Variants in NKAIN3 observed in about 807,000 individuals in gnomAD.
The protein encoded by NKAIN3 is sodium/potassium-transporting ATPase subunit beta-1-interacting protein 3.
NKAIN3 carries 25 observed loss-of-function variants against 30.2 expected under a neutral mutation model. The observed-to-expected ratio is 0.83, with a 90% CI of 0.60 to 1.16. The LOEUF (loss-of-function observed/expected upper bound fraction) is 1.16, where lower values mean the gene tolerates loss of function less well. Ranked by LOEUF, NKAIN3 falls within the 50% of genes most tolerant of loss-of-function variation. NKAIN3 has a pLI of 0.00. For synonymous variants in NKAIN3, 91 were observed against 89.6 expected, an observed-to-expected ratio of 1.02 and a Z score of -0.09; for missense variants, 225 against 254.1, an observed-to-expected ratio of 0.89 and a Z score of 0.78.
At chr8:62,315,091 G>T (rs527991746) in intron 1 of NKAIN3, among the ~76,000 whole-genome samples, 9 of 152,112 alleles carry the variant, frequency 5.9e-5, no homozygotes, top group Admixed American at 1.3e-4. Context: ...GAGCCATCAC[G>T]CAGGACACAT....
intron 4 of NKAIN3, among the ~76,000 whole-genome samples, chr8:62,824,786 A>T (rs989129624): frequency 2.6e-5 from 4 of 152,104 alleles, no homozygotes; most frequent in Admixed American, 1.3e-4. Flanking sequence ...ACCACTATTT[A>T]ACCCACTTTA....
chr8:62,856,114 C>T, intron 4 of NKAIN3: 1 of 714,416 alleles, frequency 1.4e-6, no homozygotes. Context: ...TCTTCTGTTT[C>T]CCCTTTCTCC....
chr8:62,870,684 T>TATATAG (rs1820606414), intron 4 of NKAIN3, among the ~76,000 whole-genome samples: 1 of 131,356 alleles, frequency 7.6e-6, no homozygotes, highest in Non-Finnish European at 1.6e-5. Context: ...TATATATCTA[T>TATATAG]ATCTCTCTAT....
chr8:62,362,715 C>G (rs1023398311), intron 1 of NKAIN3, among the ~76,000 whole-genome samples: 3 of 152,170 alleles, frequency 2.0e-5, no homozygotes, highest in African/African-American at 7.2e-5. Flanking sequence ...TTTAATTGAG[C>G]AATGAAGGAT....
At position 62,417,127 on chromosome 8, in the gene NKAIN3, C is replaced by T. The variant is rs73259278; in HGVS notation, c.55-162412C>T. On this transcript the variant is annotated intron_variant, in intron 1 of 6. Coordinates refer to ENST00000623646, the MANE Select transcript of NKAIN3 (RefSeq NM_001304533.3). ...ACCTACATCTCCATCCTCCTGACTA[C>T]CCTTGCCAGCCTCTGATAACCATCG... 2.0e-3 allele frequency among the ~76,000 whole-genome samples: 304 copies of T among 151,948 alleles called. 1 individual carries two copies. The highest frequency in any genetic ancestry group is 7.0e-3 in the African/African-American group (289 of 41,422).
Position 62,990,231 on chromosome 8 carries a change from C to G in NKAIN3, c.533-9000C>G, listed in dbSNP as rs376076311. The G allele has an allele frequency of 5.9e-5, 91 of 1,553,728 alleles. 1 individual carries two copies. The African/African-American group carries it at 1.2e-3, about 20-fold the overall frequency. The stretch of plus-strand genomic sequence containing the variant: ...CAGATGCTGCAAATTATTGAATAAG[C>G]AAGAATTAGTAAGATATTATCACCA... On this transcript the variant is annotated intron_variant, in intron 5 of 5. Coordinates refer to the NKAIN3 transcript ENST00000519049.
At chr8:62,362,982 C>T (rs1405586295) in intron 1 of NKAIN3, among the ~76,000 whole-genome samples, 3 of 152,088 alleles carry the variant, frequency 2.0e-5, no homozygotes, top group Admixed American at 6.5e-5. Flanking sequence ...ATGTTACAGG[C>T]GTACACTCCT....
chr8:62,659,222 A>G (rs1258765928), intron 3 of NKAIN3, among the ~76,000 whole-genome samples: 15 of 152,116 alleles, frequency 9.9e-5, no homozygotes, highest in Admixed American at 9.2e-4. Context: ...TCCAAGAGTC[A>G]TTTACTCGAG....
chr8:62,750,813 G>A (rs974575899), intron 4 of NKAIN3, among the ~76,000 whole-genome samples: 1 of 152,128 alleles, frequency 6.6e-6, no homozygotes, highest in African/African-American at 2.4e-5. Flanking sequence ...TGCTGGAGTG[G>A]AGAAGTCAAA....
At chr8:62,857,003 C>T in intron 4 of NKAIN3, 2 of 524,100 alleles carry the variant, frequency 3.8e-6, no homozygotes, top group African/African-American at 2.0e-5. Flanking sequence ...CTTATAGTCT[C>T]CACTTGCTTC....
intron 4 of NKAIN3, among the ~76,000 whole-genome samples, chr8:62,825,980 G>C (rs1407791564): frequency 6.6e-6 from 1 of 152,156 alleles, no homozygotes; most frequent in African/African-American, 2.4e-5. Context: ...CATGTCAATA[G>C]CATCCCTGAA....
At chr8:62,669,491 T>G (rs1813234007) in intron 3 of NKAIN3, among the ~76,000 whole-genome samples, 1 of 152,128 alleles carries the variant, frequency 6.6e-6, no homozygotes. Context: ...AAATGACACA[T>G]CTTCTAAATT....
chr8:62,945,395 T>C (rs1199188699), intron 5 of NKAIN3, among the ~76,000 whole-genome samples: 1 of 152,182 alleles, frequency 6.6e-6, no homozygotes, highest in East Asian at 1.9e-4. Flanking sequence ...GAAAGCCAGC[T>C]ACCTTTTTAT....
intron 3 of NKAIN3, among the ~76,000 whole-genome samples, chr8:62,741,010 G>T (rs1815847356): frequency 2.1e-5 from 3 of 144,744 alleles, no homozygotes; most frequent in Admixed American, 6.9e-5. Context: ...TTACTACCTT[G>T]ACTCCTAAAC....
rs1046766022 is a variant in NKAIN3 at position 62,933,445 on chromosome 8, G to A, written c.532+14932G>A. On this transcript the variant is annotated intron_variant, in intron 5 of 6. Transcript: ENST00000623646. ...AGAATGATTAAAAAATATATTGCGG[G>A]AAAAAACTGGATAACTAAGAAAAAA... Among the ~76,000 whole-genome samples, 68 of 152,170 alleles carry A rather than the reference G, an allele frequency of 4.5e-4. No homozygotes were observed. In the East Asian group the frequency reaches 9.1e-3, roughly 20 times the overall value.
chr8:62,916,607 T>C (rs1008437760), intron 4 of NKAIN3, among the ~76,000 whole-genome samples: 21 of 152,184 alleles, frequency 1.4e-4, no homozygotes, highest in Admixed American at 1.4e-3. Context: ...TTTTAGCTCC[T>C]CAGAGATATT....
intron 1 of NKAIN3, among the ~76,000 whole-genome samples, chr8:62,287,893 C>T (rs1345422600): frequency 6.6e-6 from 1 of 152,254 alleles, no homozygotes; most frequent in African/African-American, 2.4e-5. Flanking sequence ...GCCCTCTGGT[C>T]GTGCTCTAAT....
chr8:62,816,403 G>T (rs772737090), intron 4 of NKAIN3, among the ~76,000 whole-genome samples: 11 of 152,148 alleles, frequency 7.2e-5, no homozygotes, highest in Non-Finnish European at 1.6e-4. Flanking sequence ...CTTGGGGAGT[G>T]CATAAGCATG....
intron 1 of NKAIN3, among the ~76,000 whole-genome samples, chr8:62,522,782 A>C (rs1563438566): frequency 6.6e-6 from 1 of 151,938 alleles, no homozygotes. Context: ...AAATAAGAGA[A>C]GATATTCTTT....
Sources: allele counts gnomAD v4.1 joint callset (sites outside exome capture counted in the v4.1 genomes callset), GRCh38; gene constraint gnomAD v4.1.1; transcripts MANE v1.5; gene names NCBI Gene and HGNC (gene_info 2026-07-23, HGNC 2026-07-21).